The following PARP4 variants were observed in gnomAD, a reference collection of about 807,000 sequenced individuals.
The protein encoded by PARP4 is poly(ADP-ribose) polymerase family member 4, also known as protein mono-ADP-ribosyltransferase PARP4.
PARP4 carries 120 observed loss-of-function variants against 187.7 expected under a neutral mutation model. The ratio of observed to expected loss-of-function variants is 0.64; its 90% CI spans 0.55 to 0.74. The LOEUF (loss-of-function observed/expected upper bound fraction) is 0.74. Ranked by LOEUF, PARP4 falls within the 30% of genes least tolerant of loss-of-function variation. PARP4 has a pLI of 0.00. For synonymous variants in PARP4, 654 were observed against 740.9 expected (o/e 0.88, Z 1.90); for missense variants, 1,836 against 2,070.5 (o/e 0.89, Z 2.20).
chr13:24,456,262 A>G, intron 21 of PARP4, 79 bp downstream of exon 21: 4 of 1,149,008 alleles, frequency 3.5e-6, no homozygotes, highest in South Asian at 1.8e-5. Context: ...AGGACAATCA[A>G]TAATTTGCAA....
At chr13:24,503,545 T>C in intron 2 of PARP4, 100 bp downstream of exon 2, 1 of 1,380,034 alleles carries the variant, frequency 7.2e-7, no homozygotes. Flanking sequence ...GCTCACTCAC[T>C]CTCTCCTGCT....
rs151093035 is a variant in PARP4 at position 24,426,594 on chromosome 13, T to C, written c.4851A>G (p.Val1617=). The change falls in exon 33 of 34, where the codon GTA becomes GTG. Residue 1617 remains valine, a synonymous_variant. Transcript: ENST00000381989. ...LKQKGIQSLG[V]KGRECLLDLI... Reference sequence around the variant, plus strand: ...GGTCCAGGAGACATTCTCTTCCTTTTACACCTAAAAGGAAAAAAACTCCGT... The same window carrying C: ...GGTCCAGGAGACATTCTCTTCCTTTCACACCTAAAAGGAAAAAAACTCCGT... 1.2e-6 allele frequency: 2 copies of C among 1,611,368 alleles called. No homozygotes were observed. Among genetic ancestry groups the C allele is most frequent in the African/African-American group, 1.3e-5 (1 of 74,916 alleles).
At chr13:24,484,860 A>C (rs1835575949) in intron 11 of PARP4, 112 bp from the exon 12 acceptor site, 4 of 679,046 alleles carry the variant, frequency 5.9e-6, no homozygotes, top group Non-Finnish European at 8.1e-6. Context: ...GAACTCTGCA[A>C]TCAGGGTGAA....
Position 24,509,791 on chromosome 13 carries a change from C to G in PARP4, c.-2+2915G>C, listed in dbSNP as rs183253339. ...CTCAGCTCACTGCAACCTTCTGCCTCCCAGGTTCAAGTAATTCTCGTGCCT... is the reference window on the plus strand; with the variant it reads ...CTCAGCTCACTGCAACCTTCTGCCTGCCAGGTTCAAGTAATTCTCGTGCCT... On this transcript the variant is annotated intron_variant, in intron 1 of 33. Transcript: ENST00000381989. 4.2e-3 allele frequency among the ~76,000 whole-genome samples: 644 copies of G among 152,120 alleles called. 5 individuals carry two copies. The highest frequency in any genetic ancestry group is 0.015 in the African/African-American group (621 of 41,504).
rs367891229 is a variant in PARP4 at position 24,446,780 on chromosome 13, T to C, written c.3286-19A>G. On this transcript the variant is annotated intron_variant, in intron 26 of 33. Transcript: ENST00000381989. ...GAGTTGCCTGAAATGGGGAAAAAAA[T>C]AAATTCCTCATTAGCCTTTCCACTC... 8 of 1,479,978 alleles carry C rather than the reference T, an allele frequency of 5.4e-6. No homozygotes were observed. The highest frequency in any genetic ancestry group is 1.7e-4 in the Middle Eastern group (1 of 5,762). 91.7% of individuals were successfully genotyped at this position (1,479,978 alleles called of 1,614,324 possible).
intron 32 of PARP4, among the ~76,000 whole-genome samples, chr13:24,429,192 T>A (rs114583596): frequency 7.9e-5 from 12 of 152,208 alleles, no homozygotes; most frequent in Admixed American, 2.0e-4. Context: ...ATAGTTTCCA[T>A]CTATTTGCTG....
intron 30 of PARP4, among the ~76,000 whole-genome samples, chr13:24,440,640 G>A (rs1177719283): frequency 6.6e-6 from 1 of 152,052 alleles, no homozygotes; most frequent in African/African-American, 2.4e-5. Context: ...TCCCCACTAG[G>A]GCATTAGGAC....
intron 1 of PARP4, among the ~76,000 whole-genome samples, chr13:24,506,843 G>T (rs998895026): frequency 6.6e-6 from 1 of 152,226 alleles, no homozygotes; most frequent in Admixed American, 6.5e-5. Flanking sequence ...TTGGGTGGTC[G>T]ATGGGACCGG....
intron 15 of PARP4, among the ~76,000 whole-genome samples, chr13:24,472,891 GT>G (rs3978786): frequency 0.019 from 2,095 of 109,556 alleles, 21 homozygotes; most frequent in African/African-American, 0.045. Flanking sequence ...AACACCCTGA[GT>G]TTTTTTTTTT....
chr13:24,421,780 T>C (rs1473242706), intron 33 of PARP4, among the ~76,000 whole-genome samples: 1 of 152,306 alleles, frequency 6.6e-6, no homozygotes, highest in African/African-American at 2.4e-5. Flanking sequence ...TTCAGTTGTG[T>C]CACGTAAACC....
At position 24,459,990 on chromosome 13, in the gene PARP4, A is replaced by G; in HGVS notation, c.2280T>C (p.Ala760=). 1 of 1,613,224 alleles carries G rather than the reference A, an allele frequency of 6.2e-7. No homozygotes were observed. Among genetic ancestry groups the G allele is most frequent in the African/African-American group, 1.3e-5 (1 of 74,988 alleles). The part of the protein sequence containing the change: ...ATVAPWQQDK[A]LNENLQDTVE... ...TACAAACCTGAAGGTTTTCATTCAA[A>G]GCCTTGTCCTGTTGCCAGGGTGCTA... is the stretch of plus-strand genomic sequence containing the variant. Residue 760 remains alanine (A), a synonymous_variant, in exon 18 of 34, where the codon GCT becomes GCC. Transcript: ENST00000381989.
At chr13:24,485,965 T>G (rs1055363657) in intron 11 of PARP4, among the ~76,000 whole-genome samples, 7 of 152,182 alleles carry the variant, frequency 4.6e-5, no homozygotes, top group African/African-American at 1.4e-4. Context: ...ATTACAGGTG[T>G]GACCCACCAT....
Position 24,452,516 on chromosome 13 carries a change from C to T in PARP4, c.2904G>A (p.Gly968=), listed in dbSNP as rs748934894. Residue 968 remains glycine (G), a synonymous_variant, in exon 24 of 34, where the codon GGG becomes GGA. Transcript: ENST00000381989. ...RYLSLLYPAR[G]SRNILLVSDG... ...CAGACACCAGGAGGATGTTCCGTGA[C>T]CCTCGAGCAGGGTACAATAAGCTAA... 5 of 1,614,080 alleles carry T rather than the reference C, an allele frequency of 3.1e-6. No individual in the cohort carries two copies. The highest frequency in any genetic ancestry group is 1.7e-6 in the Non-Finnish European group (2 of 1,179,966).
intron 12 of PARP4, among the ~76,000 whole-genome samples, chr13:24,483,950 G>C (rs1026568459): frequency 6.6e-6 from 1 of 152,222 alleles, no homozygotes; most frequent in Non-Finnish European, 1.5e-5. Flanking sequence ...TTTGCTATTA[G>C]GTTTCTATTT....
Position 24,442,591 on chromosome 13 carries a change from C to A in PARP4, c.3542G>T (p.Arg1181Met). ...QFTSFVAVEK[R>M]DENESPFPDI... ...CCTCGAATTACCAATAATACATACCCTTTTCTCAACTGCCACAAAGCTTGT... is the reference window on the plus strand; with the variant it reads ...CCTCGAATTACCAATAATACATACCATTTTCTCAACTGCCACAAAGCTTGT... The change falls in exon 29 of 34, where the codon AGG becomes ATG. Residue 1181 changes from arginine (R) to methionine (M), a missense_variant and splice_region_variant. Arg to Met is a moderately conservative substitution (Grantham distance 91). Transcript: ENST00000381989. 1 of 1,489,568 alleles carries A rather than the reference C, an allele frequency of 6.7e-7. No individual in the cohort carries two copies. The highest frequency in any genetic ancestry group is 9.4e-7 in the Non-Finnish European group (1 of 1,067,080). 92.3% of individuals were successfully genotyped at this position (1,489,568 alleles called of 1,614,324 possible).
At position 24,475,606 on chromosome 13, in the gene PARP4, A is replaced by T. The variant is rs1176455969; in HGVS notation, c.1790-10T>A. The stretch of plus-strand genomic sequence containing the variant: ...TCTGGTAACTGGTAATCTAAACGTT[A>T]AAAATGTTACTATTAGCTTTCAAAA... On this transcript the variant is annotated splice_polypyrimidine_tract_variant and intron_variant, in intron 14 of 33. Transcript: ENST00000381989. The T allele has an allele frequency of 6.8e-6, 11 of 1,613,380 alleles. No homozygotes were observed. Among genetic ancestry groups the T allele is most frequent in the Non-Finnish European group, 9.3e-6 (11 of 1,179,416 alleles).
chr13:24,457,762 C>T (rs1970486), intron 20 of PARP4, among the ~76,000 whole-genome samples: 177 of 108,950 alleles, frequency 1.6e-3, no homozygotes, highest in African/African-American at 6.4e-3. Context: ...CAGAGTAAGA[C>T]TCTGTCTCAA....
Position 24,426,539 on chromosome 13 carries a change from T to TA in PARP4, c.4905dup (p.Ile1636TyrfsTer20). 1 of 1,611,606 alleles carries TA rather than the reference T, an allele frequency of 6.2e-7. No individual in the cohort carries two copies. Among genetic ancestry groups the TA allele is most frequent in the Non-Finnish European group, 8.5e-7 (1 of 1,178,160 alleles). On this transcript the variant is annotated frameshift_variant, in exon 33 of 34. Transcript: ENST00000381989. LOFTEE classifies it high-confidence loss of function. ...CCCTCTTTTTCCAACCTGGTGCGAATAAACTGTAGTACCAGCATTGTGGCA... is the reference window on the plus strand; with the variant it reads ...CCCTCTTTTTCCAACCTGGTGCGAATAAAACTGTAGTACCAGCATTGTGGCA...
At chr13:24,487,790 T>C (rs1451004671) in intron 10 of PARP4, among the ~76,000 whole-genome samples, 1 of 152,200 alleles carries the variant, frequency 6.6e-6, no homozygotes, top group Non-Finnish European at 1.5e-5. Context: ...GGACTTTTCC[T>C]TCACAGAGCT....
Sources: allele counts gnomAD v4.1 joint callset (sites outside exome capture counted in the v4.1 genomes callset), GRCh38; gene constraint gnomAD v4.1.1; transcripts MANE v1.5; gene names NCBI Gene and HGNC (gene_info 2026-07-23, HGNC 2026-07-21).